TMTC1: variants seen among roughly 807,000 people sequenced by gnomAD.
The protein encoded by TMTC1 is protein O-mannosyl-transferase TMTC1.
TMTC1 carries 73 observed loss-of-function variants against 104.8 expected under a neutral mutation model. The observed-to-expected ratio is 0.70, with a 90% confidence interval of 0.58 to 0.85. The LOEUF (loss-of-function observed/expected upper bound fraction) is 0.85, where lower values mean the gene tolerates loss of function less well. Among genes scored for constraint, TMTC1 ranks in the 40% least tolerant of loss-of-function variants. The pLI, the probability that TMTC1 is intolerant of heterozygous loss-of-function variation, is 0.00. For missense variants in TMTC1, 1,035 were observed against 1,096.1 expected, an observed-to-expected ratio of 0.94 and a Z score of 0.79; for synonymous variants, 434 against 428.7, an observed-to-expected ratio of 1.01 and a Z score of -0.15.
At chr12:29,510,535 T>A (rs1430257512) in intron 17 of TMTC1, among the ~76,000 whole-genome samples, 1 of 152,194 alleles carries the variant, frequency 6.6e-6, no homozygotes, top group Admixed American at 6.5e-5. Flanking sequence ...GCAATTTGGC[T>A]CTGAAAAATA....
At chr12:29,517,650 G>A in intron 13 of TMTC1, 79 bp from the exon 14 acceptor site, 1 of 1,544,968 alleles carries the variant, frequency 6.5e-7, no homozygotes, top group Non-Finnish European at 8.9e-7. Flanking sequence ...ATTTAGGGAA[G>A]ACGGTCCATG....
In TMTC1 at chr12:29,525,209, G is replaced by A. The variant is rs552000792; in HGVS notation, c.1786-4489C>T. Among the ~76,000 whole-genome samples, 8 of 83,684 alleles carry A rather than the reference G, an allele frequency of 9.6e-5. No homozygotes were observed. In the South Asian group the frequency reaches 3.8e-3, roughly 40 times the overall value. The allele number at this position is 83,684 out of a possible 152,430, so 54.9% of individuals were successfully genotyped here. On this transcript the variant is annotated intron_variant, in intron 11 of 17. Transcript: ENST00000539277. ...TTTTTTTTTTTTTTTTTGAGATGGAGTTTTGCTCTGTCACCCAGGCTGGAG... is the reference window on the plus strand; with the variant it reads ...TTTTTTTTTTTTTTTTTGAGATGGAATTTTGCTCTGTCACCCAGGCTGGAG...
chr12:29,541,553 T>G (rs1422697216), intron 10 of TMTC1, among the ~76,000 whole-genome samples: 1 of 152,098 alleles, frequency 6.6e-6, no homozygotes, highest in Non-Finnish European at 1.5e-5. Context: ...TAGTCTCTCC[T>G]AAATAATATC....
chr12:29,737,074 T>C (rs1229012717), intron 5 of TMTC1, among the ~76,000 whole-genome samples: 3 of 152,234 alleles, frequency 2.0e-5, no homozygotes, highest in Non-Finnish European at 4.4e-5. Flanking sequence ...ACAGATGAAA[T>C]GTGACACGTC....
intron 11 of TMTC1, among the ~76,000 whole-genome samples, chr12:29,530,464 A>G (rs1450275133): frequency 1.3e-5 from 2 of 152,198 alleles, no homozygotes; most frequent in Non-Finnish European, 2.9e-5. Flanking sequence ...TAGCTGGTCC[A>G]TGGAGACTGT....
At chr12:29,768,229 G>A (rs895455423) in intron 1 of TMTC1, among the ~76,000 whole-genome samples, 154 bp from the exon 2 acceptor site, 2 of 152,076 alleles carry the variant, frequency 1.3e-5, no homozygotes, top group African/African-American at 4.8e-5. Context: ...TTAGCCTTGG[G>A]TATGTATCAC....
chr12:29,726,026 C>T lies in TMTC1; in HGVS notation c.938+25640G>A, dbSNP rs967038928. On this transcript the variant is annotated intron_variant, in intron 5 of 17. Coordinates refer to ENST00000539277, the MANE Select transcript of TMTC1 (RefSeq NM_001193451.2). The stretch of plus-strand genomic sequence containing the variant: ...GCCTTTATATACAGAGCCACCTAAG[C>T]CCAGGATTCCACAGCCTGACTGAGT... 3.9e-5 allele frequency among the ~76,000 whole-genome samples: 6 copies of T among 152,196 alleles called. 1 individual carries two copies. The highest frequency in any genetic ancestry group is 4.1e-4 in the South Asian group (2 of 4,828).
At chr12:29,784,259 G>T (rs56703053), upstream of TMTC1, 63,099 of 152,228 alleles carry the variant, frequency 0.41, 13,665 homozygotes, top group Admixed American at 0.56. Context: ...CCCTCCCGGG[G>T]GACCCAGGAG....
chr12:29,749,047 C>T lies in TMTC1; in HGVS notation c.938+2619G>A, dbSNP rs1245011198. ...CACAACTCCATGGTCAGTGAAGTCA[C>T]ACTCGTAGCTTGCAATCAGCCACAG... On this transcript the variant is annotated intron_variant, in intron 5 of 17. Transcript: ENST00000539277. 3.3e-5 allele frequency among the ~76,000 whole-genome samples: 5 copies of T among 152,172 alleles called. 1 individual carries two copies. Among genetic ancestry groups the T allele is most frequent in the Admixed American group, 3.3e-4 (5 of 15,288 alleles).
At chr12:29,630,617 G>A (rs1204773492) in intron 6 of TMTC1, among the ~76,000 whole-genome samples, 3 of 152,134 alleles carry the variant, frequency 2.0e-5, no homozygotes, top group South Asian at 2.1e-4. Flanking sequence ...TTATGTATTC[G>A]TAGTTTGTTC....
At chr12:29,777,436 T>C (rs868379782) in intron 1 of TMTC1, among the ~76,000 whole-genome samples, 2 of 152,042 alleles carry the variant, frequency 1.3e-5, no homozygotes, top group African/African-American at 4.8e-5. Flanking sequence ...ATACTCAAAG[T>C]TAGGAAAAAT....
Position 29,633,212 on chromosome 12 carries a change from A to C in TMTC1, c.1063T>G (p.Leu355Val). 6.2e-7 allele frequency: 1 copy of C among 1,614,072 alleles called. No homozygotes were observed. The highest frequency in any genetic ancestry group is 1.1e-5 in the South Asian group (1 of 91,086). ...ACAACCGCCAGAAAGATGGTGGCTA[A>C]GTTCCGCATGTCCCATATGGTCTCT... is the stretch of plus-strand genomic sequence containing the variant. ...LVETIWDMRN[L>V]ATIFLAVVMA... Residue 355 changes from leucine (L) to valine (V), a missense_variant, in exon 6 of 18, where the codon TTA becomes GTA. By Grantham distance (32) the Leu-to-Val change is conservative (BLOSUM62 1). Transcript: ENST00000539277.
At chr12:29,612,495 A>G (rs1946870821) in intron 6 of TMTC1, among the ~76,000 whole-genome samples, 1 of 151,976 alleles carries the variant, frequency 6.6e-6, no homozygotes, top group Non-Finnish European at 1.5e-5. Context: ...GCTCACTGCA[A>G]CCTCCACCTC....
intron 5 of TMTC1, among the ~76,000 whole-genome samples, chr12:29,731,449 C>T (rs983163590): frequency 1.3e-5 from 2 of 152,182 alleles, no homozygotes; most frequent in African/African-American, 4.8e-5. Context: ...CAATGCACGG[C>T]CGCAAATTGG....
At chr12:29,698,226 T>C (rs1400691852) in intron 5 of TMTC1, among the ~76,000 whole-genome samples, 1 of 152,186 alleles carries the variant, frequency 6.6e-6, no homozygotes, top group African/African-American at 2.4e-5. Flanking sequence ...TATTGTCCTC[T>C]CCCACGCCCA....
intron 5 of TMTC1, among the ~76,000 whole-genome samples, chr12:29,685,956 C>T (rs1020648888): frequency 4.0e-5 from 6 of 149,804 alleles, no homozygotes; most frequent in African/African-American, 1.5e-4. Context: ...AAAAGGTGAG[C>T]CTGGAAAAGC....
At chr12:29,653,920 A>T (rs1032465270) in intron 5 of TMTC1, among the ~76,000 whole-genome samples, 1 of 152,252 alleles carries the variant, frequency 6.6e-6, no homozygotes, top group African/African-American at 2.4e-5. Context: ...CAATGTTTTA[A>T]ATATTAAAAA....
intron 1 of TMTC1, among the ~76,000 whole-genome samples, chr12:29,769,142 A>G (rs545636942): frequency 4.6e-5 from 7 of 152,230 alleles, no homozygotes; most frequent in African/African-American, 1.7e-4. Context: ...TAGAGATGAC[A>G]TACGCGTATT....
At chr12:29,716,000 T>C (rs4931212) in intron 5 of TMTC1, among the ~76,000 whole-genome samples, 5,163 of 51,900 alleles carry the variant, frequency 0.099, 246 homozygotes, top group African/African-American at 0.33. Flanking sequence ...TTATTATTAT[T>C]ATTATTATTA....
Sources: gnomAD v4.1 joint callset for allele counts (sites outside exome capture counted in the v4.1 genomes callset) on GRCh38, gnomAD v4.1.1 for gene constraint, MANE v1.5 for transcripts, NCBI Gene and HGNC (gene_info 2026-07-23, HGNC 2026-07-21) for gene names.